The following TNS4 variants were observed in gnomAD, a reference collection of about 807,000 sequenced individuals.
TNS4 encodes the protein tensin-4.
Under a neutral mutation model 70.4 loss-of-function variants are expected in TNS4, and 46 were observed. That is an observed-to-expected ratio of 0.65 (90% CI 0.52 to 0.84). TNS4 has a LOEUF of 0.84. Ranked by LOEUF, TNS4 falls within the 40% of genes least tolerant of loss-of-function variation. The pLI, the probability that TNS4 is intolerant of heterozygous loss-of-function variation, is 0.00. For synonymous variants in TNS4, 390 were observed against 366.6 expected (o/e 1.06, Z -0.73); for missense variants, 863 against 907.0 (o/e 0.95, Z 0.62).
intron 1 of TNS4, among the ~76,000 whole-genome samples, chr17:40,498,554 G>A (rs1347481639): frequency 2.0e-5 from 3 of 152,132 alleles, no homozygotes; most frequent in Non-Finnish European, 4.4e-5. Flanking sequence ...CCTATTGTCA[G>A]TCCTCTTGTT....
At chr17:40,489,022 G>A in intron 2 of TNS4, 53 bp from the exon 3 acceptor site, 2 of 1,471,172 alleles carry the variant, frequency 1.4e-6, no homozygotes, top group Admixed American at 4.5e-5. Flanking sequence ...TGGACTCATA[G>A]AACAGAGAGG....
At chr17:40,478,469 CT>C in intron 11 of TNS4, 110 bp downstream of exon 11, 1 of 1,550,200 alleles carries the variant, frequency 6.5e-7, no homozygotes. Flanking sequence ...ACCCTGACCC[CT>C]TGAGGTTCAC....
intron 1 of TNS4, among the ~76,000 whole-genome samples, 152 bp downstream of exon 1, chr17:40,501,381 AC>A (rs2036213742): frequency 7.2e-6 from 1 of 139,036 alleles, no homozygotes; most frequent in African/African-American, 2.6e-5. Context: ...CTGGAGGCAG[AC>A]GTTGGCAGTG....
chr17:40,501,464 A>AAAAAAAG (rs2036215554), intron 1 of TNS4, 70 bp downstream of exon 1: 3 of 150,932 alleles, frequency 2.0e-5, no homozygotes, highest in African/African-American at 4.9e-5. Flanking sequence ...AAAAAAAAAA[A>AAAAAAAG]TGTTTAAATG....
rs9909804 is a variant in TNS4 at position 40,479,557 on chromosome 17, G to A, written c.1910+117C>T. On this transcript the variant is annotated intron_variant, in intron 10 of 12. Transcript: ENST00000254051. ...AGTCACTCAGCACATCACTGGCCCC[G>A]CTGGGTCATCCAGAACCCTGAACTT... The A allele has an allele frequency of 9.7e-4, 1,286 of 1,328,048 alleles. 4 individuals carry two copies. In the African/African-American group the frequency reaches 0.017, roughly 17 times the overall value. 82.3% of individuals were successfully genotyped at this position (1,328,048 alleles called of 1,614,324 possible).
chr17:40,488,790 G>C lies in TNS4; in HGVS notation c.619C>G (p.Gln207Glu). 6.2e-7 allele frequency: 1 copy of C among 1,612,900 alleles called. No individual in the cohort carries two copies. The highest frequency in any genetic ancestry group is 2.2e-5 in the East Asian group (1 of 44,852). Reference protein sequence around the residue: ...SSESLIFSGNQGRGHQRPLPP... With the variant: ...SSESLIFSGNEGRGHQRPLPP... ...AGAGGGCGCTGGTGCCCCCTGCCCT[G>C]GTTCCCAGAGAAGATGAGGCTCTCA... Residue 207 changes from glutamine to glutamate, a missense_variant, in exon 3 of 13, where the codon CAG (glutamine) becomes GAG (glutamate). Transcript: ENST00000254051.
chr17:40,485,884 G>A (rs899220237), intron 4 of TNS4, among the ~76,000 whole-genome samples: 4 of 152,240 alleles, frequency 2.6e-5, no homozygotes, highest in African/African-American at 7.2e-5. Context: ...CTAGGAAAGC[G>A]ATCAGGGCAG....
rs1481167774 is a variant in TNS4, at chr17:40,480,621, T to C, written c.1741+79A>G. ...GTGTGCCTGTGCGTGTGTGCGTGCA[T>C]GCGTGCGTGTGTGCAGGGTTGGGAG... On this transcript the variant is annotated intron_variant, in intron 9 of 12. Transcript: ENST00000254051. 4 of 1,343,712 alleles carry C rather than the reference T, an allele frequency of 3.0e-6. No homozygotes were observed. The African/African-American group carries it at 4.6e-5, about 15-fold the overall frequency. The allele number at this position is 1,343,712 out of a possible 1,614,324, so 83.2% of individuals were successfully genotyped here.
intron 2 of TNS4, among the ~76,000 whole-genome samples, chr17:40,494,107 G>GGCCT (rs1408886040): frequency 6.6e-6 from 1 of 152,228 alleles, no homozygotes; most frequent in Non-Finnish European, 1.5e-5. Flanking sequence ...GGTGCCAGAG[G>GGCCT]GCCTGGGTGC....
At chr17:40,496,878 A>G (rs2036152554) in intron 1 of TNS4, among the ~76,000 whole-genome samples, 2 of 152,246 alleles carry the variant, frequency 1.3e-5, no homozygotes, top group Non-Finnish European at 2.9e-5. Context: ...AATACTACCT[A>G]ACGTTTGCTG....
In TNS4 at chr17:40,487,464, C is replaced by A; in HGVS notation, c.864-4G>T. On this transcript the variant is annotated splice_polypyrimidine_tract_variant and splice_region_variant and intron_variant, in intron 3 of 12. Transcript: ENST00000254051. Reference sequence around the variant, plus strand: ...GGAGTGCAGGAGGGACTGGCTGCTGCAGCGGGAGAGAGTCAGACAGGGTGT... The same window carrying A: ...GGAGTGCAGGAGGGACTGGCTGCTGAAGCGGGAGAGAGTCAGACAGGGTGT... 2 of 1,596,898 alleles carry A rather than the reference C, an allele frequency of 1.3e-6. No homozygotes were observed. The highest frequency in any genetic ancestry group is 1.7e-6 in the Non-Finnish European group (2 of 1,168,592).
At chr17:40,492,103 G>T (rs979767061) in intron 2 of TNS4, among the ~76,000 whole-genome samples, 4 of 152,164 alleles carry the variant, frequency 2.6e-5, no homozygotes, top group Non-Finnish European at 4.4e-5. Flanking sequence ...CACCCAGGAG[G>T]TCGCGCCTCA....
rs1203019503 is a variant in TNS4, at chr17:40,496,402, T to G, written c.24A>C (p.Pro8=). 1.9e-6 allele frequency: 3 copies of G among 1,612,764 alleles called. No homozygotes were observed. The South Asian group carries it at 3.3e-5, about 18-fold the overall frequency. Residue 8 remains proline, a synonymous_variant, in exon 2 of 13, where the codon CCA becomes CCC. Transcript: ENST00000254051. MSQVMSS[P]LLAGGHAVSL... is the part of the protein sequence containing the mutation. The stretch of plus-strand genomic sequence containing the variant: ...TGACAGCATGGCCTCCTGCCAGCAG[T>G]GGGCTGGACATCACCTGGGACATGG...
In TNS4 at chr17:40,484,499, C is replaced by T. The variant is rs1213960236; in HGVS notation, c.1486G>A (p.Ala496Thr). 1.9e-6 allele frequency: 3 copies of T among 1,611,280 alleles called. No homozygotes were observed. The highest frequency in any genetic ancestry group is 2.5e-6 in the Non-Finnish European group (3 of 1,179,982). The change falls in exon 6 of 13, where the codon GCT becomes ACT. Residue 496 changes from alanine to threonine, a missense_variant. Transcript: ENST00000254051. ...AGACGCATACCTGGTCGACTCTGAG[C>T]AGACGCGGGAACCTCCTGCACCTTC... ...ALKVQEVPAS[A>T]QSRPGEDSND...
intron 8 of TNS4, 58 bp from the exon 9 acceptor site, chr17:40,480,826 C>G (rs1393807604): frequency 2.2e-5 from 34 of 1,570,970 alleles, no homozygotes; most frequent in Non-Finnish European, 2.8e-5. Context: ...TGAATGGACC[C>G]CTCTCACAGG....
chr17:40,493,953 C>G (rs1232792101), intron 2 of TNS4, among the ~76,000 whole-genome samples: 1 of 152,266 alleles, frequency 6.6e-6, no homozygotes, highest in Non-Finnish European at 1.5e-5. Flanking sequence ...GCCCAAGATG[C>G]CTTTCCTGCA....
chr17:40,492,758 A>T (rs373913365), intron 2 of TNS4, among the ~76,000 whole-genome samples: 1 of 151,970 alleles, frequency 6.6e-6, no homozygotes, highest in African/African-American at 2.4e-5. Context: ...CCAGGTTGGC[A>T]GGGCATGGTG....
At position 40,484,477 on chromosome 17, in the gene TNS4, C is replaced by A. The variant is rs757603813; in HGVS notation, c.1501+7G>T. 4 of 1,609,092 alleles carry A rather than the reference C, an allele frequency of 2.5e-6. No individual in the cohort carries two copies. Among genetic ancestry groups the A allele is most frequent in the Non-Finnish European group, 3.4e-6 (4 of 1,179,930 alleles). On this transcript the variant is annotated splice_region_variant and intron_variant, in intron 6 of 12. Coordinates refer to ENST00000254051, the MANE Select transcript of TNS4 (RefSeq NM_032865.6). ...GGCCTTGAGTGAGCACAGAGACAGA[C>A]GCATACCTGGTCGACTCTGAGCAGA...
At chr17:40,487,527 C>T (rs931035724) in intron 3 of TNS4, 67 bp from the exon 4 acceptor site, 32 of 1,518,740 alleles carry the variant, frequency 2.1e-5, no homozygotes, top group Admixed American at 7.9e-5. Context: ...AGTCAGGCTC[C>T]GGATCTGGTG....
Sources: gnomAD v4.1 joint callset for allele counts (sites outside exome capture counted in the v4.1 genomes callset) on GRCh38, gnomAD v4.1.1 for gene constraint, MANE v1.5 for transcripts, NCBI Gene and HGNC (gene_info 2026-07-23, HGNC 2026-07-21) for gene names.